The following ABCG4 variants were observed in gnomAD, a reference collection of about 807,000 sequenced individuals.
ABCG4 encodes ATP-binding cassette sub-family G member 4.
Under a neutral mutation model 64.6 loss-of-function variants are expected in ABCG4, and 35 were observed. The observed-to-expected ratio is 0.54, with a 90% CI of 0.41 to 0.72. The LOEUF is 0.72. ABCG4 is among the 30% of genes least tolerant of loss of function. The pLI is 0.00. For synonymous variants in ABCG4, 326 were observed against 348.2 expected, an observed-to-expected ratio of 0.94 and a Z score of 0.71; for missense variants, 610 against 846.3, an observed-to-expected ratio of 0.72 and a Z score of 3.46.
Position 119,161,119 on chromosome 11 carries a change from G to T in ABCG4, c.*13G>T, listed in dbSNP as rs1221474248. 1.2e-6 allele frequency: 2 copies of T among 1,607,740 alleles called. No individual in the cohort carries two copies. Among genetic ancestry groups the T allele is most frequent in the South Asian group, 1.1e-5 (1 of 90,856 alleles). On this transcript the variant is annotated 3_prime_UTR_variant, in exon 15 of 15. Transcript: ENST00000619701. ...GTCAGAGAGATAGAGGCTTGCCCCA[G>T]CCTGTACCCCAGCCCCTGCAGCAGG... is the stretch of plus-strand genomic sequence containing the variant.
rs117432650 is a variant in ABCG4 at position 119,160,959 on chromosome 11, G to T, written c.1794G>T (p.Pro598=). 1 of 1,614,088 alleles carries T rather than the reference G, an allele frequency of 6.2e-7. No homozygotes were observed. The highest frequency in any genetic ancestry group is 1.1e-5 in the South Asian group (1 of 91,086). ...GDLTCLEERC[P]FREPQSILRA... ...TGACATGTTTAGAGGAACGCTGCCCGTTCCGGGAGCCACAGAGCATCCTCC... is the reference window on the plus strand; with the variant it reads ...TGACATGTTTAGAGGAACGCTGCCCTTTCCGGGAGCCACAGAGCATCCTCC... The change falls in exon 15 of 15, where the codon CCG becomes CCT. Residue 598 remains proline, a synonymous_variant. Coordinates refer to ENST00000619701, the MANE Select transcript of ABCG4 (RefSeq NM_022169.5). The surrounding 1 kb of genome is among the most constrained non-coding windows in gnomAD (Gnocchi z 4.6).
In ABCG4 at chr11:119,160,333, T is replaced by A. The variant is rs1167813458; in HGVS notation, c.1544T>A (p.Leu515Ter). 6.2e-7 allele frequency: 1 copy of A among 1,613,494 alleles called. No homozygotes were observed. Among genetic ancestry groups the A allele is most frequent in the African/African-American group, 1.3e-5 (1 of 74,904 alleles). Reference protein sequence around the residue: ...LFSALATATALVAQSLGLLIG... With the variant: ...LFSALATATA ...TCAGCCCTGGCCACCGCCACCGCCT[T>A]GGTGGCCCAATCTTTGGGGCTGCTG... Residue 515 changes from leucine (L) to a stop codon, truncating the protein, a stop_gained, in exon 13 of 15, where the codon TTG becomes TAG. Coordinates refer to ENST00000619701, the MANE Select transcript of ABCG4 (RefSeq NM_022169.5). LOFTEE classifies it high-confidence loss of function. The surrounding 1 kb of genome is among the most constrained non-coding windows in gnomAD (Gnocchi z 4.6).
rs575857582 is a variant in ABCG4, at chr11:119,158,843, G to T, written c.1351G>T (p.Ala451Ser). The T allele has an allele frequency of 6.2e-7, 1 of 1,614,164 alleles. No individual in the cohort carries two copies. Among genetic ancestry groups the T allele is most frequent in the South Asian group, 1.1e-5 (1 of 91,084 alleles). ...TGTGTCCTCAGTCCCCTTAGAGATGGCGGTCTTCATGAGGGAGCACCTCAA... is the reference window on the plus strand; with the variant it reads ...TGTGTCCTCAGTCCCCTTAGAGATGTCGGTCTTCATGAGGGAGCACCTCAA... Reference protein sequence around the residue: ...PTVLTFPLEMAVFMREHLNYW... With the variant: ...PTVLTFPLEMSVFMREHLNYW... The change falls in exon 12 of 15, where the codon GCG (alanine) becomes TCG (serine). Residue 451 changes from alanine (A) to serine (S), a missense_variant. Coordinates refer to ENST00000619701, the MANE Select transcript of ABCG4 (RefSeq NM_022169.5). This position sits in a 1 kb window ranked among gnomAD's most constrained non-coding sequence, Gnocchi z 4.5.
Position 119,149,813 on chromosome 11 carries a change from G to A in ABCG4, c.-12-141G>A. On this transcript the variant is annotated intron_variant, in intron 1 of 14. Transcript: ENST00000619701. The surrounding 1 kb of genome is among the most constrained non-coding windows in gnomAD (Gnocchi z 8.3). ...TCTCCGTGCGGAGAGTGGGGGGCGG[G>A]GGCAGAGTGCGGGGCTAACAGTCGC... 1.5e-6 allele frequency: 2 copies of A among 1,307,156 alleles called. No individual in the cohort carries two copies. The highest frequency in any genetic ancestry group is 2.0e-6 in the Non-Finnish European group (2 of 978,906). The allele number at this position is 1,307,156 out of a possible 1,614,324, so 81.0% of individuals were successfully genotyped here.
chr11:119,150,314 T>C lies in ABCG4; in HGVS notation c.238+111T>C. ...GAAAGTCCTGCACCAGTGGGCTCTG[T>C]GGAAACACTAAAATCTGGGCCCCAG... On this transcript the variant is annotated intron_variant, in intron 2 of 14. Transcript: ENST00000619701. This position sits in a 1 kb window ranked among gnomAD's most constrained non-coding sequence, Gnocchi z 4.3. 1 of 1,434,806 alleles carries C rather than the reference T, an allele frequency of 7.0e-7. No homozygotes were observed. The highest frequency in any genetic ancestry group is 1.3e-5 in the South Asian group (1 of 75,342). 88.9% of individuals were successfully genotyped at this position (1,434,806 alleles called of 1,614,324 possible).
intron 9 of ABCG4, among the ~76,000 whole-genome samples, 156 bp downstream of exon 9, chr11:119,157,170 A>T (rs980069327): frequency 6.6e-6 from 1 of 152,240 alleles, no homozygotes; most frequent in Non-Finnish European, 1.5e-5. Context: ...TAGGAACAGC[A>T]CTGTGACCTT....
In ABCG4 at chr11:119,149,946, C is replaced by T; in HGVS notation, c.-12-8C>T. ...CTGCCCCAAACTGAGCAGGCCCTCC[C>T]CTTGCAGGTCGGCGGCGTGATGGCG... On this transcript the variant is annotated splice_region_variant and splice_polypyrimidine_tract_variant and intron_variant, in intron 1 of 14. Coordinates refer to ENST00000619701, the MANE Select transcript of ABCG4 (RefSeq NM_022169.5). The surrounding 1 kb of genome is among the most constrained non-coding windows in gnomAD (Gnocchi z 8.3). The T allele has an allele frequency of 1.3e-6, 2 of 1,599,496 alleles. No homozygotes were observed. Among genetic ancestry groups the T allele is most frequent in the Non-Finnish European group, 8.5e-7 (1 of 1,178,760 alleles).
At chr11:119,157,107 G>A (rs375771914) in intron 9 of ABCG4, 93 bp downstream of exon 9, 1 of 1,497,036 alleles carries the variant, frequency 6.7e-7, no homozygotes. Flanking sequence ...GTTCCCCAGA[G>A]GCATTGCAAC....
rs1948294477 is a variant in ABCG4, at chr11:119,158,270, A to G, written c.1105A>G (p.Ser369Gly). The G allele has an allele frequency of 3.7e-6, 6 of 1,602,498 alleles. No individual in the cohort carries two copies. In the Middle Eastern group the frequency reaches 5.0e-4, roughly 133 times the overall value. Reference protein sequence around the residue: ...DPIESHTFATSTLTQFCILFK... With the variant: ...DPIESHTFATGTLTQFCILFK... ...CATTGAAAGCCACACCTTTGCCACC[A>G]GCACCCTCACACAGTTCTGCATCCT... Residue 369 changes from serine (S) to glycine (G), a missense_variant, in exon 10 of 15, where the codon AGC becomes GGC. Transcript: ENST00000619701. The surrounding 1 kb of genome is among the most constrained non-coding windows in gnomAD (Gnocchi z 4.5).
rs781692160 is a variant in ABCG4 at position 119,150,772 on chromosome 11, A to T, written c.238+569A>T. ...TAGTAAGTGGTAGAGCTGAGACCAG[A>T]AGCCCGGTTTCCCAGCTCTCCATGC... On this transcript the variant is annotated intron_variant, in intron 2 of 14. Coordinates refer to ENST00000619701, the MANE Select transcript of ABCG4 (RefSeq NM_022169.5). The surrounding 1 kb of genome is among the most constrained non-coding windows in gnomAD (Gnocchi z 4.3). Among the ~76,000 whole-genome samples the T allele has an allele frequency of 6.6e-6, 1 of 152,194 alleles. No individual in the cohort carries two copies. Among genetic ancestry groups the T allele is most frequent in the Non-Finnish European group, 1.5e-5 (1 of 68,030 alleles).
chr11:119,157,063 C>G (rs1383830546), intron 9 of ABCG4, 49 bp downstream of exon 9: 1 of 1,552,882 alleles, frequency 6.4e-7, no homozygotes, highest in Non-Finnish European at 8.7e-7. Context: ...GGAGGGGAGA[C>G]TGGACCATGG....
rs777856343 is a variant in ABCG4 at position 119,156,304 on chromosome 11, C to G, written c.687-25C>G. The G allele has an allele frequency of 6.2e-7, 1 of 1,614,082 alleles. No homozygotes were observed. Among genetic ancestry groups the G allele is most frequent in the South Asian group, 1.1e-5 (1 of 91,076 alleles). ...TTTGGCCTCACCCACCTCACGTGGC[C>G]CCCTGGTGGCCTCTCTCTGGACAGT... On this transcript the variant is annotated intron_variant, in intron 6 of 14. Transcript: ENST00000619701. The surrounding 1 kb of genome is among the most constrained non-coding windows in gnomAD (Gnocchi z 5.5).
At position 119,158,878 on chromosome 11, in the gene ABCG4, C is replaced by T. The variant is rs185176960; in HGVS notation, c.1386C>T (p.Tyr462=). ...VFMREHLNYW[Y]SLKAYYLAKT... ...TGAGGGAGCACCTCAACTACTGGTA[C>T]AGCCTCAAAGCGTATTACCTGGCCA... Residue 462 remains tyrosine (Y), a synonymous_variant, in exon 12 of 15, where the codon TAC becomes TAT. Transcript: ENST00000619701. This position sits in a 1 kb window ranked among gnomAD's most constrained non-coding sequence, Gnocchi z 4.5. 3.3e-5 allele frequency: 54 copies of T among 1,614,232 alleles called. No individual in the cohort carries two copies. The highest frequency in any genetic ancestry group is 1.5e-4 in the African/African-American group (11 of 75,052).
chr11:119,161,147 GC>G lies in ABCG4; in HGVS notation c.*46del, dbSNP rs1565818224. ...TGTACCCCAGCCCCTGCAGCAGGAA[GC>G]CCCCAGTCCCAGCCCTTTGGGACTG... is the stretch of plus-strand genomic sequence containing the variant. On this transcript the variant is annotated 3_prime_UTR_variant, in exon 15 of 15. Transcript: ENST00000619701. 2.5e-6 allele frequency: 4 copies of G among 1,579,990 alleles called. No homozygotes were observed. The highest frequency in any genetic ancestry group is 1.7e-6 in the Non-Finnish European group (2 of 1,156,602).
Position 119,150,137 on chromosome 11 carries a change from GC to G in ABCG4, c.174del (p.Val59TrpfsTer39), listed in dbSNP as rs772444124. On this transcript the variant is annotated frameshift_variant, in exon 2 of 15. Coordinates refer to ENST00000619701, the MANE Select transcript of ABCG4 (RefSeq NM_022169.5). LOFTEE classifies it high-confidence loss of function. The surrounding 1 kb of genome is among the most constrained non-coding windows in gnomAD (Gnocchi z 4.3). Reference sequence around the variant, plus strand: ...CTTCTCCCACCTACCCAAGCGCTCAGCCGTGGACATCGAGTTCGTGGAGCTG... The same window carrying G: ...CTTCTCCCACCTACCCAAGCGCTCAGCGTGGACATCGAGTTCGTGGAGCTG... ...QRFSHLPKRS[A>X]VDIEFVELSY... 14 of 1,614,198 alleles carry G rather than the reference GC, an allele frequency of 8.7e-6. No individual in the cohort carries two copies. The highest frequency in any genetic ancestry group is 8.5e-6 in the Non-Finnish European group (10 of 1,180,022).
At chr11:119,152,551 T>G (rs1397063855) in intron 2 of ABCG4, among the ~76,000 whole-genome samples, 1 of 152,142 alleles carries the variant, frequency 6.6e-6, no homozygotes, top group African/African-American at 2.4e-5. Context: ...AGGTGCTAGG[T>G]AAGGGATTGG....
Position 119,150,028 on chromosome 11 carries a change from C to T in ABCG4, c.63C>T (p.Ala21=), listed in dbSNP as rs1333787800. 3 of 1,613,078 alleles carry T rather than the reference C, an allele frequency of 1.9e-6. No homozygotes were observed. Among genetic ancestry groups the T allele is most frequent in the East Asian group, 2.2e-5 (1 of 44,864 alleles). The change falls in exon 2 of 15, where the codon GCC becomes GCT. Residue 21 remains alanine (A), a synonymous_variant. Transcript: ENST00000619701. The surrounding 1 kb of genome is among the most constrained non-coding windows in gnomAD (Gnocchi z 4.3). ...CGLGPGAVAM[A]VTLEDGAEPP... is the part of the protein sequence containing the mutation. The stretch of plus-strand genomic sequence containing the variant: ...TAGGGCCGGGGGCTGTGGCCATGGC[C>T]GTGACGCTGGAGGACGGGGCGGAAC...
Position 119,154,176 on chromosome 11 carries a change from G to A in ABCG4, c.356+33G>A, listed in dbSNP as rs1424999646. The stretch of plus-strand genomic sequence containing the variant: ...AGAGACTGGGGTGGAATGGAGGCAG[G>A]ACTCAGGAAGAAGTATCCCTTGGGG... On this transcript the variant is annotated intron_variant, in intron 3 of 14. Transcript: ENST00000619701. The surrounding 1 kb of genome is among the most constrained non-coding windows in gnomAD (Gnocchi z 7.0). The A allele has an allele frequency of 1.2e-6, 2 of 1,613,494 alleles. No individual in the cohort carries two copies. Among genetic ancestry groups the A allele is most frequent in the South Asian group, 1.1e-5 (1 of 91,068 alleles).
intron 2 of ABCG4, 113 bp from the exon 3 acceptor site, chr11:119,153,913 C>A: frequency 1.1e-6 from 1 of 889,316 alleles, no homozygotes; most frequent in Non-Finnish European, 1.9e-6. Context: ...CTAACCCAAT[C>A]ACACTGAGTA....
Sources: gnomAD v4.1 joint callset for allele counts (sites outside exome capture counted in the v4.1 genomes callset) on GRCh38, gnomAD v4.1.1 for gene constraint, Gnocchi (gnomAD v3.1) non-coding constraint, MANE v1.5 for transcripts, NCBI Gene and HGNC (gene_info 2026-07-23, HGNC 2026-07-21) for gene names.